KCNC1: variants seen among roughly 807,000 people sequenced by gnomAD.
KCNC1 encodes potassium voltage-gated channel subfamily C member 1.
Under a neutral mutation model 43.4 loss-of-function variants are expected in KCNC1, and 8 were observed. The ratio of observed to expected loss-of-function variants is 0.18; its 90% CI spans 0.11 to 0.33. KCNC1 has a LOEUF of 0.33. Ranked by LOEUF, KCNC1 falls within the 10% of genes least tolerant of loss-of-function variation. The pLI is 1.00. For synonymous variants in KCNC1, 361 were observed against 360.5 expected (o/e 1.00, Z -0.01); for missense variants, 420 against 836.0 (o/e 0.50, Z 6.14).
At chr11:17,756,672 G>GT (rs1429010634) in intron 1 of KCNC1, among the ~76,000 whole-genome samples, 2 of 152,118 alleles carry the variant, frequency 1.3e-5, no homozygotes, top group Non-Finnish European at 2.9e-5. Flanking sequence ...CTCCATGGAG[G>GT]TTGGAGCCTC....
In KCNC1 at chr11:17,772,226, G is replaced by A. The variant is rs1180139307; in HGVS notation, c.1132G>A (p.Ala378Thr). ...RIGAQPNDPS[A>T]SEHTHFKNIP... Reference sequence around the variant, plus strand: ...AGGGGCACAGCCCAATGACCCCAGCGCCAGTGAGCACACGCACTTTAAGAA... The same window carrying A: ...AGGGGCACAGCCCAATGACCCCAGCACCAGTGAGCACACGCACTTTAAGAA... The change falls in exon 2 of 4, where the codon GCC (alanine) becomes ACC (threonine). Residue 378 changes from alanine to threonine, a missense_variant. Physicochemically the swap from Ala to Thr is moderately conservative, Grantham distance 58. Transcript: ENST00000265969. The A allele has an allele frequency of 6.2e-7, 1 of 1,614,024 alleles. No individual in the cohort carries two copies. The highest frequency in any genetic ancestry group is 1.7e-5 in the Admixed American group (1 of 60,020).
chr11:17,758,634 G>A lies in KCNC1; in HGVS notation c.571-13031G>A, dbSNP rs531374807. Among the ~76,000 whole-genome samples the A allele has an allele frequency of 1.1e-4, 17 of 152,354 alleles. No homozygotes were observed. In the South Asian group the frequency reaches 3.3e-3, roughly 30 times the overall value. ...ATGGGTGCTGAGTTAGCTGGCAGGA[G>A]AACAACATTCATCTCCTTGTACATC... On this transcript the variant is annotated intron_variant, in intron 1 of 3. Transcript: ENST00000265969.
intron 1 of KCNC1, among the ~76,000 whole-genome samples, chr11:17,741,753 C>T (rs1848845218): frequency 6.6e-6 from 1 of 152,254 alleles, no homozygotes; most frequent in Admixed American, 6.5e-5. Flanking sequence ...CATCGCTTAC[C>T]AAACCCCAAC....
chr11:17,740,081 C>T (rs1411103401), intron 1 of KCNC1, among the ~76,000 whole-genome samples: 1 of 152,204 alleles, frequency 6.6e-6, no homozygotes, highest in African/African-American at 2.4e-5. Flanking sequence ...GGAGCTGCCA[C>T]CTACCCTGGG....
intron 1 of KCNC1, among the ~76,000 whole-genome samples, chr11:17,765,300 G>T (rs555361196): frequency 6.6e-6 from 1 of 152,298 alleles, no homozygotes; most frequent in East Asian, 1.9e-4. Context: ...GAACAGCTCC[G>T]ATCCGAAAGG....
Position 17,779,959 on chromosome 11 carries a change from C to T in KCNC1, c.1693+315C>T, listed in dbSNP as rs1377632492. On this transcript the variant is annotated intron_variant, in intron 3 of 3. Transcript: ENST00000265969. The surrounding 1 kb of genome is among the most constrained non-coding windows in gnomAD (Gnocchi z 7.2). The stretch of plus-strand genomic sequence containing the variant: ...CAGGAATGCAGGAGGAGCCTTGACT[C>T]CCCCAGGCTGCTCTTGCAGATGGCA... The T allele has an allele frequency of 4.3e-6, 1 of 230,666 alleles. No homozygotes were observed. The highest frequency in any genetic ancestry group is 9.2e-5 in the East Asian group (1 of 10,892). The allele number at this position is 230,666 out of a possible 1,614,324, so 14.3% of individuals were successfully genotyped here.
rs1849256929 is a variant in KCNC1, at chr11:17,773,788, G to A, written c.1504+1190G>A. 1 of 985,524 alleles carries A rather than the reference G, an allele frequency of 1.0e-6. No individual in the cohort carries two copies. Among genetic ancestry groups the A allele is most frequent in the Non-Finnish European group, 1.2e-6 (1 of 829,968 alleles). 61.0% of individuals were successfully genotyped at this position (985,524 alleles called of 1,614,324 possible). On this transcript the variant is annotated intron_variant, in intron 2 of 3. Coordinates refer to ENST00000265969, the MANE Select transcript of KCNC1 (RefSeq NM_001112741.2). This position sits in a 1 kb window ranked among gnomAD's most constrained non-coding sequence, Gnocchi z 4.1. ...ACACAGGGATTTCAAAGGAACAGAT[G>A]ACCCAGAGAAGAATGACAGCACTGA...
rs935537574 is a variant in KCNC1 at position 17,777,608 on chromosome 11, G to A, written c.1505-1848G>A. ...AGACATGCCCCAAGACCCCAGAGAC[G>A]CCCCGGCCCCAGTCACATGGTGTCA... is the stretch of plus-strand genomic sequence containing the variant. On this transcript the variant is annotated intron_variant, in intron 2 of 3. Transcript: ENST00000265969. The surrounding 1 kb of genome is among the most constrained non-coding windows in gnomAD (Gnocchi z 4.3). The A allele has an allele frequency of 1.4e-5, 14 of 985,840 alleles. No homozygotes were observed. The East Asian group carries it at 9.1e-4, about 64-fold the overall frequency. The allele number at this position is 985,840 out of a possible 1,614,324, so 61.1% of individuals were successfully genotyped here.
Position 17,776,004 on chromosome 11 carries a change from C to T in KCNC1, c.1504+3406C>T, listed in dbSNP as rs1461816796. The T allele has an allele frequency of 2.9e-5, 29 of 985,128 alleles. No individual in the cohort carries two copies. Among genetic ancestry groups the T allele is most frequent in the South Asian group, 9.4e-5 (2 of 21,282 alleles). 61.0% of individuals were successfully genotyped at this position (985,128 alleles called of 1,614,324 possible). A position where few individuals can be genotyped will look rare whatever the true frequency, so the allele number is the denominator to read the frequency against. Reference sequence around the variant, plus strand: ...ATGGAGGGGGGAGGGAGCTGGGCAGCGCTGACTAGGCGGCGGGTGGGGCTA... The same window carrying T: ...ATGGAGGGGGGAGGGAGCTGGGCAGTGCTGACTAGGCGGCGGGTGGGGCTA... On this transcript the variant is annotated intron_variant, in intron 2 of 3. Coordinates refer to ENST00000265969, the MANE Select transcript of KCNC1 (RefSeq NM_001112741.2). The surrounding 1 kb of genome is among the most constrained non-coding windows in gnomAD (Gnocchi z 4.4).
intron 1 of KCNC1, among the ~76,000 whole-genome samples, chr11:17,757,873 G>C (rs1395184065): frequency 6.6e-6 from 1 of 152,188 alleles, no homozygotes; most frequent in Non-Finnish European, 1.5e-5. Context: ...AGAGGGTCTT[G>C]CCTCAGTGTT....
At position 17,776,140 on chromosome 11, in the gene KCNC1, C is replaced by CATTTT. The variant is rs1849284667; in HGVS notation, c.1505-3316_1505-3315insATTTT. 1.0e-6 allele frequency: 1 copy of CATTTT among 985,306 alleles called. No individual in the cohort carries two copies. Among genetic ancestry groups the CATTTT allele is most frequent in the Non-Finnish European group, 1.2e-6 (1 of 829,970 alleles). The allele number at this position is 985,306 out of a possible 1,614,324, so 61.0% of individuals were successfully genotyped here. A position where few individuals can be genotyped will look rare whatever the true frequency, so the allele number is the denominator to read the frequency against. ...GGGAAGTAGCGGAGAAATGAAGTGA[C>CATTTT]GCCAGGGGCCAGGCATGGGTGTTCT... On this transcript the variant is annotated intron_variant, in intron 2 of 3. Transcript: ENST00000265969. The surrounding 1 kb of genome is among the most constrained non-coding windows in gnomAD (Gnocchi z 4.4).
At position 17,767,107 on chromosome 11, in the gene KCNC1, G is replaced by C. The variant is rs538784108; in HGVS notation, c.571-4558G>C. Reference sequence around the variant, plus strand: ...AGATTGCGCCATTGCACTCCAGCCTGAGCAACAGAACGAGACTCTGTCTTA... The same window carrying C: ...AGATTGCGCCATTGCACTCCAGCCTCAGCAACAGAACGAGACTCTGTCTTA... On this transcript the variant is annotated intron_variant, in intron 1 of 3. Transcript: ENST00000265969. 2.0e-5 allele frequency among the ~76,000 whole-genome samples: 3 copies of C among 148,750 alleles called. No individual in the cohort carries two copies. In the East Asian group the frequency reaches 6.0e-4, roughly 30 times the overall value.
At chr11:17,740,066 C>T (rs1848820855) in intron 1 of KCNC1, among the ~76,000 whole-genome samples, 1 of 152,150 alleles carries the variant, frequency 6.6e-6, no homozygotes, top group South Asian at 2.1e-4. Context: ...GTCACCTTTC[C>T]CTGAGGAGCT....
At chr11:17,750,469 G>A (rs1848954348) in intron 1 of KCNC1, among the ~76,000 whole-genome samples, 1 of 152,180 alleles carries the variant, frequency 6.6e-6, no homozygotes, top group African/African-American at 2.4e-5. Context: ...CCGAGGCCTG[G>A]CTGTCACCAA....
In KCNC1 at chr11:17,771,983, G is replaced by A. The variant is rs781542866; in HGVS notation, c.889G>A (p.Gly297Ser). 9.9e-6 allele frequency: 16 copies of A among 1,614,066 alleles called. No homozygotes were observed. Among genetic ancestry groups the A allele is most frequent in the South Asian group, 3.3e-5 (3 of 91,086 alleles). Residue 297 changes from glycine to serine, a missense_variant, in exon 2 of 4, where the codon GGC (glycine) becomes AGC (serine). Around this residue, in one of 5 missense-constraint regions of KCNC1, gnomAD observed 58 missense variants for 256.9 expected, o/e 0.23. Coordinates refer to ENST00000265969, the MANE Select transcript of KCNC1 (RefSeq NM_001112741.2). The surrounding 1 kb of genome is among the most constrained non-coding windows in gnomAD (Gnocchi z 4.7). ...LPFYLEVGLS[G>S]LSSKAAKDVL... ...CTTCTACCTGGAGGTGGGGCTGAGC[G>A]GCCTGTCCTCCAAGGCAGCCAAGGA...
chr11:17,775,339 C>T (rs1382974075), intron 2 of KCNC1: 1 of 985,116 alleles, frequency 1.0e-6, no homozygotes, highest in Non-Finnish European at 1.2e-6. Context: ...CCCCTCACCT[C>T]CACCTCTTGG....
intron 1 of KCNC1, among the ~76,000 whole-genome samples, chr11:17,757,441 T>C (rs1204228339): frequency 6.6e-6 from 1 of 152,136 alleles, no homozygotes; most frequent in Non-Finnish European, 1.5e-5. Context: ...GCTGGGAAAA[T>C]GAGACAGGAG....
At chr11:17,762,323 T>A (rs561056332) in intron 1 of KCNC1, among the ~76,000 whole-genome samples, 1 of 152,376 alleles carries the variant, frequency 6.6e-6, no homozygotes, top group African/African-American at 2.4e-5. Context: ...CTTTTCTACA[T>A]GATCCTAAAC....
Position 17,735,837 on chromosome 11 carries a change from G to C in KCNC1, c.-166G>C, listed in dbSNP as rs903671567. 16 of 739,604 alleles carry C rather than the reference G, an allele frequency of 2.2e-5. No individual in the cohort carries two copies. Among genetic ancestry groups the C allele is most frequent in the Middle Eastern group, 4.0e-4 (1 of 2,494 alleles). 45.8% of individuals were successfully genotyped at this position (739,604 alleles called of 1,614,324 possible). On this transcript the variant is annotated 5_prime_UTR_variant, in exon 1 of 4. Transcript: ENST00000265969. The surrounding 1 kb of genome is among the most constrained non-coding windows in gnomAD (Gnocchi z 6.7). Reference sequence around the variant, plus strand: ...CGGCACCCGACAAAGCGCCCGGAGAGGCTTGGCTCGCTCGTTGGGGTGGCC... The same window carrying C: ...CGGCACCCGACAAAGCGCCCGGAGACGCTTGGCTCGCTCGTTGGGGTGGCC...
Sources: allele counts gnomAD v4.1 joint callset (sites outside exome capture counted in the v4.1 genomes callset), GRCh38; gene constraint gnomAD v4.1.1; regional missense constraint gnomAD v4.1.1; non-coding constraint Gnocchi (gnomAD v3.1); transcripts MANE v1.5; gene names NCBI Gene and HGNC (gene_info 2026-07-23, HGNC 2026-07-21).